CASKIN2: variants seen among roughly 807,000 people sequenced by gnomAD.
CASKIN2 encodes caskin-2.
In CASKIN2, 41 loss-of-function variants were observed where a neutral mutation model predicts 107.1. That is an observed-to-expected ratio of 0.38 (90% confidence interval 0.30 to 0.50). The LOEUF (loss-of-function observed/expected upper bound fraction) is 0.50, where lower values mean the gene tolerates loss of function less well. Among genes scored for constraint, CASKIN2 ranks in the 20% least tolerant of loss-of-function variants. The probability of loss-of-function intolerance (pLI) is 0.92; values close to 1 mark genes in which losing one functional copy is unlikely to be tolerated. For missense variants in CASKIN2, 1,546 were observed against 1,657.4 expected (o/e 0.93, Z 1.17); for synonymous variants, 724 against 705.6 (o/e 1.03, Z -0.41).
In CASKIN2 at chr17:75,502,494, G is replaced by A; in HGVS notation, c.2580C>T (p.Ala860=). The change falls in exon 18 of 20, where the codon GCC becomes GCT. Residue 860 remains alanine (A), a synonymous_variant. Transcript: ENST00000321617. The surrounding 1 kb of genome is among the most constrained non-coding windows in gnomAD (Gnocchi z 4.3). ...GGGGGCCTTTGCGCCGGGCCCGCAG[G>A]GCAAAGGACTGGCTGCGAGGAGTCC... ...ARGTPRSQSF[A]LRARRKGPPP... 6.8e-7 allele frequency: 1 copy of A among 1,461,020 alleles called. No individual in the cohort carries two copies. Among genetic ancestry groups the A allele is most frequent in the Non-Finnish European group, 9.1e-7 (1 of 1,102,248 alleles). The allele number at this position is 1,461,020 out of a possible 1,614,324, so 90.5% of individuals were successfully genotyped here.
intron 4 of CASKIN2, 144 bp from the exon 5 acceptor site, chr17:75,507,273 G>C: frequency 1.0e-6 from 1 of 1,003,158 alleles, no homozygotes; most frequent in Non-Finnish European, 1.4e-6. Flanking sequence ...GTGTGCTTAG[G>C]AAGAGGTTCG....
intron 2 of CASKIN2, among the ~76,000 whole-genome samples, chr17:75,508,490 C>T (rs368380992): frequency 1.4e-3 from 214 of 152,344 alleles, no homozygotes; most frequent in Admixed American, 2.2e-3. Flanking sequence ...GATGCTGCTG[C>T]GGCAGTGGGC....
chr17:75,502,202 G>A lies in CASKIN2; in HGVS notation c.2872C>T (p.Leu958=). The A allele has an allele frequency of 6.3e-7, 1 of 1,598,612 alleles. No homozygotes were observed. The highest frequency in any genetic ancestry group is 8.5e-7 in the Non-Finnish European group (1 of 1,178,156). Residue 958 remains leucine, a synonymous_variant, in exon 18 of 20, where the codon CTG becomes TTG. Transcript: ENST00000321617. This position sits in a 1 kb window ranked among gnomAD's most constrained non-coding sequence, Gnocchi z 4.3. The part of the protein sequence containing the change: ...EGLPFAEEGN[L]TIKQRPKPAG... ...GGCTTCGGGCGCTGTTTGATGGTCA[G>A]GTTCCCTTCCTCTGCAAACGGCAGC... is the stretch of plus-strand genomic sequence containing the variant.
intron 3 of CASKIN2, 112 bp from the exon 4 acceptor site, chr17:75,507,793 C>T: frequency 3.9e-6 from 3 of 763,456 alleles, no homozygotes; most frequent in South Asian, 3.3e-5. Context: ...GGTTACTGGC[C>T]CCCCCAACCC....
In CASKIN2 at chr17:75,506,665, C is replaced by T. The variant is rs2053269202; in HGVS notation, c.535G>A (p.Gly179Ser). The change falls in exon 7 of 20, where the codon GGT (glycine) becomes AGT (serine). Residue 179 changes from glycine (G) to serine (S), a missense_variant. By Grantham distance (56) the Gly-to-Ser change is moderately conservative (BLOSUM62 0). Around this residue, in one of 6 missense-constraint regions of CASKIN2, gnomAD observed 31 missense variants for 28.7 expected, o/e 1.08. Coordinates refer to ENST00000321617, the MANE Select transcript of CASKIN2 (RefSeq NM_020753.5). This position sits in a 1 kb window ranked among gnomAD's most constrained non-coding sequence, Gnocchi z 4.8. ...NSHLCVALLE[G>S]EAKDPCDPNY... ...GGGTCACACGGGTCTTTGGCCTCAC[C>T]CTCCAGCAGTGCCACACATAAGTGG... The T allele has an allele frequency of 6.2e-7, 1 of 1,613,322 alleles. No homozygotes were observed.
rs775290043 is a variant in CASKIN2, at chr17:75,513,743, T to C, written c.62A>G (p.Lys21Arg). 3 of 1,613,852 alleles carry C rather than the reference T, an allele frequency of 1.9e-6. No individual in the cohort carries two copies. The highest frequency in any genetic ancestry group is 2.2e-5 in the South Asian group (2 of 91,082). ...VKNGDVTGVQ[K>R]LVAKVKATKT... ...TGTGGCCTTGACCTTCGCCACCAGT[T>C]TCTGCACACCGGTCACATCTCCATT... The change falls in exon 2 of 20, where the codon AAA becomes AGA. Residue 21 changes from lysine to arginine, a missense_variant. Lys to Arg is a conservative substitution (Grantham distance 26). Around this residue, in one of 6 missense-constraint regions of CASKIN2, gnomAD observed 136 missense variants for 198.6 expected, o/e 0.68. Transcript: ENST00000321617.
intron 2 of CASKIN2, among the ~76,000 whole-genome samples, 200 bp from the exon 3 acceptor site, chr17:75,508,485 T>G (rs913531436): frequency 3.9e-5 from 6 of 152,174 alleles, no homozygotes; most frequent in African/African-American, 1.4e-4. Flanking sequence ...GGCAGGATGC[T>G]GCTGCGGCAG....
At position 75,505,499 on chromosome 17, in the gene CASKIN2, A is replaced by C. The variant is rs1328459670; in HGVS notation, c.930+58T>G. ...GAACGTGGTAACATAGCAGGTGCCC[A>C]AATAAGTAACAGCAATCATTTGTAT... is the stretch of plus-strand genomic sequence containing the variant. On this transcript the variant is annotated intron_variant, in intron 10 of 19. Coordinates refer to ENST00000321617, the MANE Select transcript of CASKIN2 (RefSeq NM_020753.5). This position sits in a 1 kb window ranked among gnomAD's most constrained non-coding sequence, Gnocchi z 5.1. 1 of 1,546,724 alleles carries C rather than the reference A, an allele frequency of 6.5e-7. No homozygotes were observed. The highest frequency in any genetic ancestry group is 2.2e-5 in the East Asian group (1 of 44,584).
intron 2 of CASKIN2, among the ~76,000 whole-genome samples, chr17:75,510,614 A>G (rs998305149): frequency 6.6e-6 from 1 of 152,076 alleles, no homozygotes; most frequent in African/African-American, 2.4e-5. Flanking sequence ...TTTTTGAGAC[A>G]GGGTCTTGCT....
In CASKIN2 at chr17:75,505,975, C is replaced by T. The variant is rs1463680109; in HGVS notation, c.727-46G>A. On this transcript the variant is annotated intron_variant, in intron 8 of 19. Transcript: ENST00000321617. This position sits in a 1 kb window ranked among gnomAD's most constrained non-coding sequence, Gnocchi z 5.1. ...GAGCACACGCTAAGCACTTTGACAC[C>T]CCTCACCCGATTCTCTCAGCTACCC... is the stretch of plus-strand genomic sequence containing the variant. 6.6e-7 allele frequency: 1 copy of T among 1,518,260 alleles called. No homozygotes were observed. Among genetic ancestry groups the T allele is most frequent in the Non-Finnish European group, 9.1e-7 (1 of 1,100,012 alleles). The allele number at this position is 1,518,260 out of a possible 1,614,324, so 94.0% of individuals were successfully genotyped here.
At position 75,502,700 on chromosome 17, in the gene CASKIN2, G is replaced by A. The variant is rs747907169; in HGVS notation, c.2374C>T (p.Pro792Ser). ...CTGTGGGACCGGCGCTTAGGTCGAG[G>A]CGGGTCTGGGGGAGTGGCAGGGGGC... ...AGPPATPPDP[P>S]RPKRRSHSLS... Residue 792 changes from proline (P) to serine (S), a missense_variant, in exon 18 of 20, where the codon CCT (proline) becomes TCT (serine). By Grantham distance (74) the Pro-to-Ser change is moderately conservative. This residue lies in a region of CASKIN2 where 1,311 missense variants were observed against 1,311.0 expected (regional missense o/e 1.00). Coordinates refer to ENST00000321617, the MANE Select transcript of CASKIN2 (RefSeq NM_020753.5). This position sits in a 1 kb window ranked among gnomAD's most constrained non-coding sequence, Gnocchi z 4.3. The A allele has an allele frequency of 2.5e-6, 4 of 1,592,826 alleles. No homozygotes were observed. Among genetic ancestry groups the A allele is most frequent in the African/African-American group, 1.3e-5 (1 of 74,554 alleles).
chr17:75,515,334 G>C (rs1202092506), intron 1 of CASKIN2, 67 bp downstream of exon 1: 2 of 152,308 alleles, frequency 1.3e-5, no homozygotes, highest in South Asian at 4.1e-4. Flanking sequence ...CGCCGACCCC[G>C]CAAGAAAAGT....
chr17:75,509,762 G>T, intron 2 of CASKIN2: 1 of 985,590 alleles, frequency 1.0e-6, no homozygotes, highest in South Asian at 4.7e-5. Flanking sequence ...GGTCAGCAGG[G>T]AAGAGACACA....
rs2053242311 is a variant in CASKIN2, at chr17:75,504,477, G to A, written c.1318C>T (p.Leu440=). ...PGLLIENAQP[L]PSAGEDQVLP... ...ACCTGGTCCTCTCCAGCAGAGGGCA[G>A]TGGCTGGAGGAGACAGGGCAGGAGC... Residue 440 remains leucine (L), a synonymous_variant, in exon 13 of 20, where the codon CTG becomes TTG. Transcript: ENST00000321617. 2 of 1,605,276 alleles carry A rather than the reference G, an allele frequency of 1.2e-6. No homozygotes were observed. The highest frequency in any genetic ancestry group is 2.2e-5 in the South Asian group (2 of 90,856).
At chr17:75,504,785 C>A in intron 11 of CASKIN2, 27 bp downstream of exon 11, 1 of 1,596,402 alleles carries the variant, frequency 6.3e-7, no homozygotes. Context: ...CACACAGTGC[C>A]CAGCACTGCC....
Position 75,502,646 on chromosome 17 carries a change from C to T in CASKIN2, c.2428G>A (p.Asp810Asn), listed in dbSNP as rs1315530442. Residue 810 changes from aspartate to asparagine, a missense_variant, in exon 18 of 20, where the codon GAT (aspartate) becomes AAT (asparagine). By Grantham distance (23) the Asp-to-Asn change is conservative (BLOSUM62 1). Coordinates refer to ENST00000321617, the MANE Select transcript of CASKIN2 (RefSeq NM_020753.5). The surrounding 1 kb of genome is among the most constrained non-coding windows in gnomAD (Gnocchi z 4.3). ...GGCCCTTCGGCCTCCCCCTCAGCAT[C>T]CCCCTCTGTGGGGCCAGGGCGGCTT... ...SLSRPGPTEG[D>N]AEGEAEGPVG... 7 of 1,605,620 alleles carry T rather than the reference C, an allele frequency of 4.4e-6. No homozygotes were observed. The highest frequency in any genetic ancestry group is 2.2e-5 in the East Asian group (1 of 44,664).
Position 75,504,300 on chromosome 17 carries a change from A to G in CASKIN2, c.1382T>C (p.Leu461Pro). ...GLHPPSLADN[L>P]SHRPLANCRS... ...GCAGTTGGCCAGAGGGCGGTGGCTC[A>G]GGTTGTCTTCAAGGAGAGAGAAAAA... The change falls in exon 14 of 20, where the codon CTG becomes CCG. Residue 461 changes from leucine to proline, a missense_variant. By Grantham distance (98) the Leu-to-Pro change is moderately conservative. Transcript: ENST00000321617. 1 of 1,607,520 alleles carries G rather than the reference A, an allele frequency of 6.2e-7. No homozygotes were observed. Among genetic ancestry groups the G allele is most frequent in the Non-Finnish European group, 8.5e-7 (1 of 1,177,340 alleles).
At chr17:75,512,442 C>T (rs533165661) in intron 2 of CASKIN2, among the ~76,000 whole-genome samples, 2 of 152,262 alleles carry the variant, frequency 1.3e-5, no homozygotes, top group African/African-American at 4.8e-5. Context: ...CAGGTGTGGC[C>T]GCTTGTGCAT....
rs865883106 is a variant in CASKIN2 at position 75,507,293 on chromosome 17, G to C, written c.245-164C>G. 2.0e-5 allele frequency among the ~76,000 whole-genome samples: 3 copies of C among 150,632 alleles called. No homozygotes were observed. In the South Asian group the frequency reaches 6.3e-4, roughly 31 times the overall value. On this transcript the variant is annotated intron_variant, in intron 4 of 19. Coordinates refer to ENST00000321617, the MANE Select transcript of CASKIN2 (RefSeq NM_020753.5). Reference sequence around the variant, plus strand: ...CTTAGGAAGAGGTTCGGCTCGACAGGGCTGAAGCCAGAGTCCTGCTGTGCC... The same window carrying C: ...CTTAGGAAGAGGTTCGGCTCGACAGCGCTGAAGCCAGAGTCCTGCTGTGCC...
Sources: gnomAD v4.1 joint callset for allele counts (sites outside exome capture counted in the v4.1 genomes callset) on GRCh38, gnomAD v4.1.1 for gene constraint, gnomAD v4.1.1 regional missense constraint, Gnocchi (gnomAD v3.1) non-coding constraint, MANE v1.5 for transcripts, NCBI Gene and HGNC (gene_info 2026-07-23, HGNC 2026-07-21) for gene names.